Variants in ERP44 observed in about 807,000 individuals in gnomAD.
The protein encoded by ERP44 is endoplasmic reticulum protein 44.
A neutral mutation model predicts 53.4 loss-of-function variants in ERP44; 25 were observed. The observed-to-expected ratio is 0.47, with a 90% CI of 0.34 to 0.65. The LOEUF (loss-of-function observed/expected upper bound fraction) is 0.65. ERP44 is among the 30% of genes least tolerant of loss of function. ERP44 has a pLI of 0.01. For synonymous variants in ERP44, 145 were observed against 161.2 expected, an observed-to-expected ratio of 0.90 and a Z score of 0.76; for missense variants, 338 against 493.2, an observed-to-expected ratio of 0.69 and a Z score of 2.98.
At chr9:99,995,645 T>C (rs1038794297) in intron 10 of ERP44, among the ~76,000 whole-genome samples, 1 of 152,246 alleles carries the variant, frequency 6.6e-6, no homozygotes, top group African/African-American at 2.4e-5. Flanking sequence ...TGGCTTCTTA[T>C]TCCACTTAAC....
At chr9:99,990,539 A>G (rs994587008) in intron 10 of ERP44, among the ~76,000 whole-genome samples, 4 of 152,232 alleles carry the variant, frequency 2.6e-5, no homozygotes, top group Non-Finnish European at 5.9e-5. Flanking sequence ...AGGAACAACC[A>G]GTACCAGCCA....
chr9:100,025,792 AATAATAAAAGACT>A (rs988759062), intron 4 of ERP44, among the ~76,000 whole-genome samples: 1 of 152,158 alleles, frequency 6.6e-6, no homozygotes, highest in Admixed American at 6.5e-5. Flanking sequence ...AAATAATAAT[AATAATAAAAGACT>A]GTAAAGGAAG....
At chr9:99,989,699 G>A (rs577815140) in intron 10 of ERP44, among the ~76,000 whole-genome samples, 11 of 152,270 alleles carry the variant, frequency 7.2e-5, no homozygotes, top group Admixed American at 5.9e-4. Flanking sequence ...ACAGAAGTAG[G>A]CTTCAGAAGG....
At chr9:99,987,868 T>C (rs1830211576) in intron 10 of ERP44, among the ~76,000 whole-genome samples, 1 of 152,198 alleles carries the variant, frequency 6.6e-6, no homozygotes, top group Non-Finnish European at 1.5e-5. Context: ...GTATTTCCCA[T>C]TGAGTAGATA....
intron 1 of ERP44, among the ~76,000 whole-genome samples, chr9:100,083,848 C>A (rs1217348330): frequency 6.6e-6 from 1 of 152,134 alleles, no homozygotes; most frequent in East Asian, 1.9e-4. Context: ...TATCAAGATG[C>A]AATAGGACGG....
At chr9:99,986,191 T>A (rs1248696084) in intron 10 of ERP44, among the ~76,000 whole-genome samples, 3 of 152,236 alleles carry the variant, frequency 2.0e-5, no homozygotes, top group Non-Finnish European at 2.9e-5. Context: ...GTGAGCAAAT[T>A]ATACCTATAA....
chr9:100,037,920 G>C (rs1825860903), intron 4 of ERP44, among the ~76,000 whole-genome samples: 3 of 152,182 alleles, frequency 2.0e-5, no homozygotes, highest in Admixed American at 2.0e-4. Flanking sequence ...CGTGCCAGAA[G>C]AGGGTAGCAT....
At chr9:99,992,319 A>C (rs1439258487) in intron 10 of ERP44, among the ~76,000 whole-genome samples, 1 of 152,152 alleles carries the variant, frequency 6.6e-6, no homozygotes, top group Non-Finnish European at 1.5e-5. Context: ...TTATCCACCA[A>C]GATCAAGTGG....
At chr9:99,985,511 C>T (rs112937349) in intron 10 of ERP44, among the ~76,000 whole-genome samples, 2 of 152,332 alleles carry the variant, frequency 1.3e-5, no homozygotes, top group South Asian at 4.1e-4. Flanking sequence ...CAAAGCACTA[C>T]TGCGAACCTA....
At chr9:100,028,624 T>C (rs527612874) in intron 4 of ERP44, among the ~76,000 whole-genome samples, 1 of 152,270 alleles carries the variant, frequency 6.6e-6, no homozygotes, top group Middle Eastern at 3.4e-3. Context: ...TTTGGTAACT[T>C]TGAAGAAAAG....
At chr9:100,048,980 A>G (rs1444066093) in intron 4 of ERP44, among the ~76,000 whole-genome samples, 1 of 152,226 alleles carries the variant, frequency 6.6e-6, no homozygotes, top group Non-Finnish European at 1.5e-5. Context: ...TAAATTGTAC[A>G]ATTTAAAATG....
At chr9:100,016,253 C>A in intron 8 of ERP44, 69 bp downstream of exon 8, 1 of 1,529,506 alleles carries the variant, frequency 6.5e-7, no homozygotes. Context: ...CATAGTAAGA[C>A]AGGTGGAGGA....
intron 3 of ERP44, 129 bp from the exon 4 acceptor site, chr9:100,052,661 T>C: frequency 2.0e-6 from 1 of 512,256 alleles, no homozygotes; most frequent in Non-Finnish European, 3.5e-6. Flanking sequence ...ACACTTAATT[T>C]AATCATGGAC....
intron 1 of ERP44, among the ~76,000 whole-genome samples, chr9:100,079,702 G>C (rs1826400414): frequency 6.6e-6 from 1 of 152,090 alleles, no homozygotes; most frequent in Admixed American, 6.6e-5. Context: ...CAGCACTGCA[G>C]AGGCAGGAGG....
intron 8 of ERP44, among the ~76,000 whole-genome samples, 175 bp downstream of exon 8, chr9:100,016,147 G>T (rs1830523021): frequency 6.6e-6 from 1 of 152,166 alleles, no homozygotes; most frequent in African/African-American, 2.4e-5. Flanking sequence ...GGGGTTCTGG[G>T]ATAGCAAAGG....
At chr9:100,060,230 A>C (rs1156528111) in intron 1 of ERP44, 58 bp from the exon 2 acceptor site, 5 of 1,357,616 alleles carry the variant, frequency 3.7e-6, no homozygotes, top group Non-Finnish European at 4.8e-6. Context: ...AAATACGTAA[A>C]AGCGAAGTCT....
At chr9:100,075,845 C>T (rs112965344) in intron 1 of ERP44, among the ~76,000 whole-genome samples, 1,657 of 152,234 alleles carry the variant, frequency 0.011, 19 homozygotes, top group Middle Eastern at 0.024. Flanking sequence ...CAAAAGGTTG[C>T]GAGTTTTGAG....
At chr9:100,014,966 C>A (rs578099855) in intron 8 of ERP44, among the ~76,000 whole-genome samples, 2 of 152,204 alleles carry the variant, frequency 1.3e-5, no homozygotes, top group Non-Finnish European at 2.9e-5. Context: ...GAGCTGTCTT[C>A]TAGGCTGCAG....
Position 100,055,103 on chromosome 9 carries a change from C to T in ERP44, c.171-2571G>A, listed in dbSNP as rs893723688. Among the ~76,000 whole-genome samples the T allele has an allele frequency of 5.3e-5, 8 of 152,026 alleles. No individual in the cohort carries two copies. In the South Asian group the frequency reaches 6.2e-4, roughly 12 times the overall value. On this transcript the variant is annotated intron_variant, in intron 3 of 11. Transcript: ENST00000262455. ...TTACTAGCCATATGACCCTTCTGAG[C>T]CTCAATTCCTCAACCTAAAAGGAAA...
Sources: allele counts gnomAD v4.1 joint callset (sites outside exome capture counted in the v4.1 genomes callset), GRCh38; gene constraint gnomAD v4.1.1; transcripts MANE v1.5; gene names NCBI Gene and HGNC (gene_info 2026-07-23, HGNC 2026-07-21).